KCNH7: variants seen among roughly 807,000 people sequenced by gnomAD.
The protein encoded by KCNH7 is potassium voltage-gated channel subfamily H member 7.
Under a neutral mutation model 120.8 loss-of-function variants are expected in KCNH7, and 49 were observed. That is an observed-to-expected ratio of 0.41 (90% CI 0.32 to 0.51). The LOEUF (loss-of-function observed/expected upper bound fraction) is 0.51. KCNH7 is among the 20% of genes least tolerant of loss of function. The pLI, the probability that KCNH7 is intolerant of heterozygous loss-of-function variation, is 0.38. For synonymous variants in KCNH7, 547 were observed against 516.1 expected (o/e 1.06, Z -0.81); for missense variants, 1,097 against 1,446.6 (o/e 0.76, Z 3.92).
chr2:162,758,527 GTA>G (rs1170427468), intron 2 of KCNH7, among the ~76,000 whole-genome samples: 2 of 151,558 alleles, frequency 1.3e-5, no homozygotes, highest in African/African-American at 4.9e-5. Context: ...ATATATAAAC[GTA>G]TATATATGTA....
At chr2:162,396,424 A>G (rs1686913816) in intron 11 of KCNH7, among the ~76,000 whole-genome samples, 1 of 151,824 alleles carries the variant, frequency 6.6e-6, no homozygotes. Context: ...AACAGCCTAA[A>G]ATCACCCATT....
intron 2 of KCNH7, among the ~76,000 whole-genome samples, chr2:162,731,092 A>G (rs2105391663): frequency 6.6e-6 from 1 of 151,852 alleles, no homozygotes; most frequent in South Asian, 2.1e-4. Context: ...AGCTGACAAC[A>G]GTAGAAACAT....
At chr2:162,374,478 AT>A (rs1378952944) in intron 14 of KCNH7, among the ~76,000 whole-genome samples, 1 of 152,220 alleles carries the variant, frequency 6.6e-6, no homozygotes, top group Non-Finnish European at 1.5e-5. Flanking sequence ...TTTTGTGGAC[AT>A]AAGAACAGAA....
intron 2 of KCNH7, among the ~76,000 whole-genome samples, chr2:162,678,309 CTTA>C (rs1001239248): frequency 3.3e-5 from 5 of 151,416 alleles, no homozygotes; most frequent in Admixed American, 2.0e-4. Context: ...GATAGCTACT[CTTA>C]TTATAACATT....
intron 2 of KCNH7, among the ~76,000 whole-genome samples, chr2:162,639,147 C>A (rs1377318426): frequency 6.6e-6 from 1 of 152,076 alleles, no homozygotes; most frequent in Non-Finnish European, 1.5e-5. Flanking sequence ...CTCTTTTCAT[C>A]CCAGTTGAGA....
chr2:162,424,727 T>A (rs1441796501), intron 8 of KCNH7, among the ~76,000 whole-genome samples: 2 of 152,232 alleles, frequency 1.3e-5, no homozygotes, highest in Admixed American at 1.3e-4. Flanking sequence ...TGCTTTTCCA[T>A]CTTACCTTGT....
At chr2:162,557,401 G>A (rs1692894066) in intron 2 of KCNH7, among the ~76,000 whole-genome samples, 1 of 152,312 alleles carries the variant, frequency 6.6e-6, no homozygotes, top group African/African-American at 2.4e-5. Flanking sequence ...CTTACAACCA[G>A]CACAGCATCA....
In KCNH7 at chr2:162,373,600, G is replaced by A. The variant is rs1278388436; in HGVS notation, c.3194C>T (p.Thr1065Ile). The A allele has an allele frequency of 6.4e-7, 1 of 1,573,986 alleles. No individual in the cohort carries two copies. The highest frequency in any genetic ancestry group is 1.4e-5 in the African/African-American group (1 of 72,924). Residue 1065 changes from threonine to isoleucine, a missense_variant, in exon 15 of 16, where the codon ACT becomes ATT. Thr to Ile is a moderately conservative substitution (Grantham distance 89). Coordinates refer to ENST00000332142, the MANE Select transcript of KCNH7 (RefSeq NM_033272.4). The stretch of plus-strand genomic sequence containing the variant: ...CATACTGTAGGCTGGGGGGACCACA[G>A]TGGTTTGTTTCTGCAGCAACTGTAA... ...TILQLLQKQT[T>I]VVPPAYSMVT...
intron 3 of KCNH7, among the ~76,000 whole-genome samples, chr2:162,529,900 T>C (rs1691856667): frequency 6.6e-6 from 1 of 151,968 alleles, no homozygotes; most frequent in Non-Finnish European, 1.5e-5. Flanking sequence ...ATCTATTATG[T>C]AGCAATTAAT....
chr2:162,685,193 T>C (rs1574264140), intron 2 of KCNH7, among the ~76,000 whole-genome samples: 1 of 145,304 alleles, frequency 6.9e-6, no homozygotes, highest in South Asian at 2.3e-4. Flanking sequence ...CCGGGGCCTG[T>C]TGGGGCTGGG....
chr2:162,725,701 A>G (rs555142975), intron 2 of KCNH7, among the ~76,000 whole-genome samples: 5 of 152,298 alleles, frequency 3.3e-5, no homozygotes, highest in African/African-American at 1.2e-4. Context: ...TTCTTCCACA[A>G]GTGATTTTGC....
At chr2:162,572,938 C>T (rs1286388013) in intron 2 of KCNH7, among the ~76,000 whole-genome samples, 1 of 151,996 alleles carries the variant, frequency 6.6e-6, no homozygotes, top group Non-Finnish European at 1.5e-5. Flanking sequence ...GGGAGATATA[C>T]CTAATGCTAG....
At chr2:162,537,280 G>A (rs368250156) in intron 2 of KCNH7, among the ~76,000 whole-genome samples, 200 bp from the exon 3 acceptor site, 8 of 151,780 alleles carry the variant, frequency 5.3e-5, no homozygotes, top group African/African-American at 9.7e-5. Context: ...CCAGAAAAAC[G>A]TTACAAATAA....
At chr2:162,755,176 TA>T (rs200806329) in intron 2 of KCNH7, among the ~76,000 whole-genome samples, 14 of 150,790 alleles carry the variant, frequency 9.3e-5, no homozygotes, top group East Asian at 7.8e-4. Context: ...ACTTATTACA[TA>T]AAAAAAAAGG....
At chr2:162,594,617 T>C (rs189889192) in intron 2 of KCNH7, among the ~76,000 whole-genome samples, 8 of 152,200 alleles carry the variant, frequency 5.3e-5, no homozygotes, top group Admixed American at 3.9e-4. Context: ...AAGTAAACTG[T>C]ATATTATAAA....
chr2:162,429,074 A>C (rs945122122), intron 8 of KCNH7, among the ~76,000 whole-genome samples: 2 of 151,638 alleles, frequency 1.3e-5, no homozygotes, highest in Non-Finnish European at 3.0e-5. Flanking sequence ...TTCCTACAAT[A>C]TTTTACATTT....
rs10589133 is a variant in KCNH7 at position 162,462,537 on chromosome 2, A to AAGAG, written c.1129-16098_1129-16095dup. Among the ~76,000 whole-genome samples, 26 of 147,696 alleles carry AAGAG rather than the reference A, an allele frequency of 1.8e-4. No individual in the cohort carries two copies. The East Asian group carries it at 1.8e-3, about 10-fold the overall frequency. On this transcript the variant is annotated intron_variant, in intron 6 of 15. Transcript: ENST00000332142. ...AGTGAGAGCAAGAGAGAGAGAGAGCAAGAGAGAGAGAGAGAGAGAGAGAGT... is the reference window on the plus strand; with the variant it reads ...AGTGAGAGCAAGAGAGAGAGAGAGCAAGAGAGAGAGAGAGAGAGAGAGAGAGAGT...
chr2:162,658,740 T>C (rs139322579), intron 2 of KCNH7, among the ~76,000 whole-genome samples: 35 of 152,318 alleles, frequency 2.3e-4, no homozygotes, highest in Middle Eastern at 3.4e-3. Context: ...TTAATGTAAT[T>C]AGCATTATAT....
intron 2 of KCNH7, among the ~76,000 whole-genome samples, chr2:162,574,303 G>C (rs1693592665): frequency 6.6e-6 from 1 of 151,852 alleles, no homozygotes; most frequent in East Asian, 1.9e-4. Context: ...CATTCTTCAA[G>C]TTGACAGACA....
Sources: allele counts gnomAD v4.1 joint callset (sites outside exome capture counted in the v4.1 genomes callset), GRCh38; gene constraint gnomAD v4.1.1; transcripts MANE v1.5; gene names NCBI Gene and HGNC (gene_info 2026-07-23, HGNC 2026-07-21).